The following CTNNA2 variants were observed in gnomAD, a reference collection of about 807,000 sequenced individuals.
CTNNA2 encodes catenin alpha 2.
In CTNNA2, 42 loss-of-function variants were observed where a neutral mutation model predicts 101.0. The observed-to-expected ratio is 0.42, with a 90% CI of 0.32 to 0.54. CTNNA2 has a LOEUF of 0.54. Among genes scored for constraint, CTNNA2 ranks in the 20% least tolerant of loss-of-function variants. The pLI is 0.14. For synonymous variants in CTNNA2, 450 were observed against 456.4 expected, an observed-to-expected ratio of 0.99 and a Z score of 0.18; for missense variants, 871 against 1,223.1, an observed-to-expected ratio of 0.71 and a Z score of 4.29.
intron 9 of CTNNA2, among the ~76,000 whole-genome samples, chr2:80,492,115 T>G (rs999822789): frequency 1.3e-5 from 2 of 152,170 alleles, no homozygotes; most frequent in African/African-American, 4.8e-5. Context: ...CAGGGCCTGG[T>G]AGGAGGTGAT....
chr2:79,960,862 G>A (rs1054265355), intron 7 of CTNNA2, among the ~76,000 whole-genome samples: 13 of 152,086 alleles, frequency 8.5e-5, no homozygotes, highest in African/African-American at 2.9e-4. Flanking sequence ...GGCCCGTGAG[G>A]GTGAATTACA....
At chr2:79,971,715 C>T (rs1461523284) in intron 7 of CTNNA2, among the ~76,000 whole-genome samples, 1 of 152,178 alleles carries the variant, frequency 6.6e-6, no homozygotes, top group African/African-American at 2.4e-5. Context: ...TTAATGGTGC[C>T]TTAGTGCTTT....
intron 2 of CTNNA2, among the ~76,000 whole-genome samples, chr2:79,283,912 G>C (rs12996950): frequency 0.51 from 27,234 of 53,372 alleles, 7,036 homozygotes; most frequent in East Asian, 0.68. Context: ...TCTTCCATTT[G>C]TTTGTATCCT....
rs145928650 is a variant in CTNNA2 at position 79,462,941 on chromosome 2, G to A, written c.-134-42113G>A. On this transcript the variant is annotated intron_variant, in intron 4 of 21. Coordinates refer to the CTNNA2 transcript ENST00000466387. ...TGTCCTTTTAATGCCAGTCTCCCCA[G>A]TTAGGAAGAGTCATCCAGGTATCAC... is the stretch of plus-strand genomic sequence containing the variant. Among the ~76,000 whole-genome samples, 392 of 152,310 alleles carry A rather than the reference G, an allele frequency of 2.6e-3. 2 individuals carry two copies. Among genetic ancestry groups the A allele is most frequent in the African/African-American group, 9.0e-3 (374 of 41,566 alleles).
intron 2 of CTNNA2, among the ~76,000 whole-genome samples, chr2:79,701,280 G>A (rs1032439395): frequency 3.3e-5 from 5 of 152,028 alleles, no homozygotes; most frequent in Admixed American, 1.3e-4. Flanking sequence ...TGAGTAGTGG[G>A]TCCAGGGATC....
chr2:80,244,511 G>C (rs1671180033), intron 7 of CTNNA2, among the ~76,000 whole-genome samples: 1 of 152,144 alleles, frequency 6.6e-6, no homozygotes, highest in African/African-American at 2.4e-5. Context: ...ATAACTACTG[G>C]CCTGGGCACG....
intron 8 of CTNNA2, among the ~76,000 whole-genome samples, chr2:80,397,613 C>G (rs1175051367): frequency 6.6e-6 from 1 of 152,206 alleles, no homozygotes; most frequent in Non-Finnish European, 1.5e-5. Flanking sequence ...TATGATGTGA[C>G]TTTGCTCTTC....
chr2:79,689,412 G>T (rs1037533752), intron 2 of CTNNA2, among the ~76,000 whole-genome samples: 2 of 151,948 alleles, frequency 1.3e-5, no homozygotes, highest in Admixed American at 1.3e-4. Flanking sequence ...ACATCACAAG[G>T]ACTGAAGCCC....
chr2:79,725,414 T>C (rs1277514367), intron 2 of CTNNA2, among the ~76,000 whole-genome samples: 1 of 152,220 alleles, frequency 6.6e-6, no homozygotes, highest in Middle Eastern at 3.2e-3. Context: ...AGAGAAAGCA[T>C]AGTAAGTGCC....
At chr2:79,465,108 T>C (rs1670919281) in intron 4 of CTNNA2, among the ~76,000 whole-genome samples, 2 of 152,246 alleles carry the variant, frequency 1.3e-5, no homozygotes, top group Admixed American at 6.5e-5. Flanking sequence ...AGGGTTTTTA[T>C]GGTTTTAGGT....
intron 4 of CTNNA2, among the ~76,000 whole-genome samples, chr2:79,459,449 T>C (rs142933521): frequency 6.6e-6 from 1 of 152,240 alleles, no homozygotes; most frequent in African/African-American, 2.4e-5. Context: ...CTTCCACATG[T>C]CCTGAGGGAT....
At chr2:80,015,346 T>C (rs1694065612) in intron 7 of CTNNA2, among the ~76,000 whole-genome samples, 1 of 152,140 alleles carries the variant, frequency 6.6e-6, no homozygotes, top group Non-Finnish European at 1.5e-5. Context: ...TCTGTTTTAA[T>C]TAGTCTCAGT....
chr2:79,547,725 A>C (rs898472898), intron 1 of CTNNA2: 1 of 152,254 alleles, frequency 6.6e-6, no homozygotes, highest in East Asian at 1.9e-4. Flanking sequence ...ACTATCACTG[A>C]GTTTGTCTCT....
intron 2 of CTNNA2, among the ~76,000 whole-genome samples, chr2:79,312,230 A>G (rs932008397): frequency 1.3e-5 from 2 of 152,194 alleles, no homozygotes; most frequent in African/African-American, 4.8e-5. Context: ...ATAAGGTTTT[A>G]ACTGAAATGT....
At chr2:80,140,402 C>T (rs1702941705) in intron 7 of CTNNA2, among the ~76,000 whole-genome samples, 2 of 152,160 alleles carry the variant, frequency 1.3e-5, no homozygotes, top group Non-Finnish European at 2.9e-5. Flanking sequence ...GTCTGACTTA[C>T]AGCCCAGCTG....
At chr2:80,043,018 CCTTTCTTTCTTTCTTTCTTTCCTTCTTT>C (rs1171283919) in intron 7 of CTNNA2, among the ~76,000 whole-genome samples, 7 of 135,490 alleles carry the variant, frequency 5.2e-5, no homozygotes, top group South Asian at 2.5e-4. Flanking sequence ...CCTTTCTTTC[CCTTTCTTTCTTTCTTTCTTTCCTTCTTT>C]CTTTCTTTCT....
intron 3 of CTNNA2, among the ~76,000 whole-genome samples, chr2:79,812,514 G>A (rs1414302431): frequency 6.6e-6 from 1 of 152,098 alleles, no homozygotes; most frequent in African/African-American, 2.4e-5. Context: ...AAAAGGAAAT[G>A]TAAAAAATGG....
At chr2:80,156,212 C>A (rs1558859825) in intron 7 of CTNNA2, among the ~76,000 whole-genome samples, 1 of 152,140 alleles carries the variant, frequency 6.6e-6, no homozygotes, top group South Asian at 2.1e-4. Context: ...GCTAATCTTC[C>A]AAATCTAGCC....
intron 4 of CTNNA2, chr2:79,866,662 T>G (rs760620166): frequency 6.6e-6 from 1 of 152,198 alleles, no homozygotes; most frequent in Non-Finnish European, 1.5e-5. Flanking sequence ...CCACAGACTT[T>G]CCAAGAGTAA....
Sources: allele counts gnomAD v4.1 joint callset (sites outside exome capture counted in the v4.1 genomes callset), GRCh38; gene constraint gnomAD v4.1.1; transcripts MANE v1.5; gene names NCBI Gene and HGNC (gene_info 2026-07-23, HGNC 2026-07-21).